HUNK: variants seen among roughly 807,000 people sequenced by gnomAD.
HUNK encodes hormonally up-regulated Neu-associated kinase.
In HUNK, 21 loss-of-function variants were observed where a neutral mutation model predicts 61.0. The observed-to-expected ratio is 0.34, with a 90% confidence interval of 0.24 to 0.50. The LOEUF (loss-of-function observed/expected upper bound fraction) is 0.50, where lower values mean the gene tolerates loss of function less well. HUNK is among the 20% of genes least tolerant of loss of function. The probability of loss-of-function intolerance (pLI) is 0.98; values close to 1 mark genes in which losing one functional copy is unlikely to be tolerated. For missense variants in HUNK, 772 were observed against 945.7 expected, an observed-to-expected ratio of 0.82 and a Z score of 2.41; for synonymous variants, 371 against 386.1, an observed-to-expected ratio of 0.96 and a Z score of 0.46.
intron 4 of HUNK, among the ~76,000 whole-genome samples, chr21:31,953,293 G>A (rs986738449): frequency 7.4e-5 from 11 of 149,302 alleles, no homozygotes; most frequent in Non-Finnish European, 1.5e-4. Context: ...CCCAGGCAAT[G>A]GCGCAATCTC....
At chr21:31,979,402 C>G (rs1184282874) in intron 7 of HUNK, among the ~76,000 whole-genome samples, 1 of 149,820 alleles carries the variant, frequency 6.7e-6, no homozygotes, top group East Asian at 2.0e-4. Context: ...CAGGTGTGAG[C>G]CACCGCGCCC....
chr21:32,002,212 C>G lies in HUNK; in HGVS notation c.*3028C>G, dbSNP rs1033428020. 1 of 152,274 alleles carries G rather than the reference C, an allele frequency of 6.6e-6. No homozygotes were observed. The highest frequency in any genetic ancestry group is 1.5e-5 in the Non-Finnish European group (1 of 68,054). 9.4% of individuals were successfully genotyped at this position (152,274 alleles called of 1,614,324 possible). A position where few individuals can be genotyped will look rare whatever the true frequency, so the allele number is the denominator to read the frequency against. On this transcript the variant is annotated 3_prime_UTR_variant, in exon 11 of 11. Coordinates refer to ENST00000270112, the MANE Select transcript of HUNK (RefSeq NM_014586.2). ...AAGTGATCCTCCCATCTCAGCCTCC[C>G]AAGTAGCTGGGACTACAGTTGTGCA...
intron 1 of HUNK, among the ~76,000 whole-genome samples, chr21:31,884,334 T>G (rs1001712216): frequency 6.6e-6 from 1 of 152,148 alleles, no homozygotes; most frequent in Non-Finnish European, 1.5e-5. Context: ...GGCTCACACC[T>G]GTAATCCCAG....
At position 31,968,363 on chromosome 21, in the gene HUNK, T is replaced by C; in HGVS notation, c.988T>C (p.Cys330Arg). 1.9e-6 allele frequency: 3 copies of C among 1,614,216 alleles called. No homozygotes were observed. The highest frequency in any genetic ancestry group is 2.5e-6 in the Non-Finnish European group (3 of 1,180,030). ...TGAGAATTACACGGGCAAAGTGCCC[T>C]GTAATGTCACCTATCCCAACAGGTA... is the stretch of plus-strand genomic sequence containing the variant. ...LNENYTGKVP[C>R]NVTYPNRISL... Residue 330 changes from cysteine to arginine, a missense_variant, in exon 6 of 11, where the codon TGT (cysteine) becomes CGT (arginine). Coordinates refer to ENST00000270112, the MANE Select transcript of HUNK (RefSeq NM_014586.2).
At chr21:31,998,109 G>A (rs898986930) in intron 10 of HUNK, among the ~76,000 whole-genome samples, 1 of 152,026 alleles carries the variant, frequency 6.6e-6, no homozygotes, top group Admixed American at 6.5e-5. Flanking sequence ...TTTAGAGACG[G>A]GGTCTTGCCA....
chr21:31,993,935 G>T (rs981518255), intron 9 of HUNK, among the ~76,000 whole-genome samples: 1 of 152,136 alleles, frequency 6.6e-6, no homozygotes, highest in Non-Finnish European at 1.5e-5. Flanking sequence ...CTCTGGAACC[G>T]CCTGACCCTG....
chr21:31,990,780 C>T (rs1383688396), intron 9 of HUNK, among the ~76,000 whole-genome samples: 2 of 152,154 alleles, frequency 1.3e-5, no homozygotes, highest in Non-Finnish European at 2.9e-5. Context: ...AAGCCATCCA[C>T]CTGCCTCAGC....
rs564621535 is a variant in HUNK, at chr21:31,879,518, G to A, written c.261+5583G>A. On this transcript the variant is annotated intron_variant, in intron 1 of 10. Transcript: ENST00000270112. ...ACAGGTCCCACGGACTTCAAAGGGT[G>A]CTTTGAGTCAGCGCAACAGTGCAGA... 3.3e-5 allele frequency among the ~76,000 whole-genome samples: 5 copies of A among 152,314 alleles called. No homozygotes were observed. The South Asian group carries it at 1.0e-3, about 32-fold the overall frequency.
rs199963433 is a variant in HUNK at position 31,965,092 on chromosome 21, G to A, written c.875-3158G>A. ...CTCTTCCAATGCAGGGTTGTTAAAG[G>A]AAGGGAGATAGACATTCTGAAAAGC... is the stretch of plus-strand genomic sequence containing the variant. On this transcript the variant is annotated intron_variant, in intron 5 of 10. Transcript: ENST00000270112. 2.6e-5 allele frequency among the ~76,000 whole-genome samples: 4 copies of A among 152,270 alleles called. No individual in the cohort carries two copies. The East Asian group carries it at 7.7e-4, about 29-fold the overall frequency.
At chr21:31,911,160 T>C (rs1183285738) in intron 1 of HUNK, among the ~76,000 whole-genome samples, 1 of 152,216 alleles carries the variant, frequency 6.6e-6, no homozygotes, top group Non-Finnish European at 1.5e-5. Flanking sequence ...GAAATACTCA[T>C]TGAGCGCCGC....
intron 1 of HUNK, among the ~76,000 whole-genome samples, chr21:31,892,553 G>C (rs1442808653): frequency 8.4e-6 from 1 of 119,356 alleles, no homozygotes; most frequent in Non-Finnish European, 1.6e-5. Context: ...CTGGGCAAAA[G>C]AGCCAGACTC....
chr21:31,882,755 C>A (rs1309295408), intron 1 of HUNK, among the ~76,000 whole-genome samples: 1 of 152,076 alleles, frequency 6.6e-6, no homozygotes, highest in Admixed American at 6.6e-5. Context: ...GAATTTAGTT[C>A]TTCTATCTAT....
At chr21:31,931,920 G>A (rs189448439) in intron 2 of HUNK, among the ~76,000 whole-genome samples, 1,653 of 151,996 alleles carry the variant, frequency 0.011, 19 homozygotes, top group African/African-American at 0.038. Flanking sequence ...GCATGCACGC[G>A]CGCACACACA....
At chr21:31,928,968 T>G (rs971081150) in intron 2 of HUNK, among the ~76,000 whole-genome samples, 1 of 152,094 alleles carries the variant, frequency 6.6e-6, no homozygotes, top group South Asian at 2.1e-4. Flanking sequence ...GTAAATACAT[T>G]GGATGATGCA....
intron 8 of HUNK, among the ~76,000 whole-genome samples, chr21:31,988,350 T>C (rs1431588422): frequency 6.6e-6 from 1 of 152,140 alleles, no homozygotes; most frequent in African/African-American, 2.4e-5. Context: ...ATAATGTTAA[T>C]TTATAGGAAA....
At chr21:31,929,549 G>T (rs541611872) in intron 2 of HUNK, among the ~76,000 whole-genome samples, 1 of 152,096 alleles carries the variant, frequency 6.6e-6, no homozygotes, top group African/African-American at 2.4e-5. Context: ...CACCAAGAAC[G>T]CCGATTCTGC....
chr21:31,934,242 T>C (rs1424466149), intron 2 of HUNK, among the ~76,000 whole-genome samples: 3 of 151,494 alleles, frequency 2.0e-5, no homozygotes, highest in African/African-American at 7.3e-5. Context: ...GATCACGAGG[T>C]CAGGAGATCG....
At chr21:31,968,793 C>A (rs2052988509) in intron 6 of HUNK, among the ~76,000 whole-genome samples, 1 of 141,906 alleles carries the variant, frequency 7.0e-6, no homozygotes, top group African/African-American at 2.7e-5. Flanking sequence ...CTTGGGTCTC[C>A]ATGTGCATGG....
At chr21:31,926,198 G>C (rs753608477) in intron 2 of HUNK, among the ~76,000 whole-genome samples, 11 of 152,072 alleles carry the variant, frequency 7.2e-5, no homozygotes, top group Admixed American at 1.3e-4. Context: ...GATTACAGGC[G>C]TGAGCCACCA....
Sources: gnomAD v4.1 joint callset for allele counts (sites outside exome capture counted in the v4.1 genomes callset) on GRCh38, gnomAD v4.1.1 for gene constraint, MANE v1.5 for transcripts, NCBI Gene and HGNC (gene_info 2026-07-23, HGNC 2026-07-21) for gene names.